Variants in KIAA1328 observed in about 807,000 individuals in gnomAD.
The protein encoded by KIAA1328 is protein hinderin.
In KIAA1328, 52 loss-of-function variants were observed where a neutral mutation model predicts 68.1. The ratio of observed to expected loss-of-function variants is 0.76; its 90% CI spans 0.61 to 0.96. KIAA1328 has a LOEUF of 0.96. KIAA1328 is among the 40% of genes least tolerant of loss of function. The pLI, the probability that KIAA1328 is intolerant of heterozygous loss-of-function variation, is 0.00. For synonymous variants in KIAA1328, 232 were observed against 239.4 expected (o/e 0.97, Z 0.28); for missense variants, 641 against 677.6 (o/e 0.95, Z 0.60).
intron 7 of KIAA1328, among the ~76,000 whole-genome samples, chr18:37,101,659 A>G (rs1195006209): frequency 2.0e-5 from 3 of 152,220 alleles, no homozygotes; most frequent in Non-Finnish European, 4.4e-5. Flanking sequence ...TTCAGGAAAT[A>G]CAGAGAATGC....
intron 7 of KIAA1328, among the ~76,000 whole-genome samples, chr18:37,139,556 C>T (rs894626307): frequency 4.6e-5 from 7 of 152,154 alleles, no homozygotes; most frequent in Admixed American, 1.3e-4. Flanking sequence ...ACTTGAGTCA[C>T]TTAGCACATC....
chr18:37,096,099 T>C (rs1175083540), intron 7 of KIAA1328, among the ~76,000 whole-genome samples: 1 of 152,160 alleles, frequency 6.6e-6, no homozygotes, highest in Non-Finnish European at 1.5e-5. Flanking sequence ...TTTTTCTACT[T>C]TAAGTTTTAG....
chr18:36,992,043 G>A (rs969336943), intron 6 of KIAA1328, among the ~76,000 whole-genome samples: 1 of 152,128 alleles, frequency 6.6e-6, no homozygotes, highest in African/African-American at 2.4e-5. Context: ...CTTTTCATAG[G>A]TATGTTGTCA....
At chr18:37,018,121 A>G (rs1270737778) in intron 6 of KIAA1328, among the ~76,000 whole-genome samples, 2 of 151,406 alleles carry the variant, frequency 1.3e-5, no homozygotes, top group African/African-American at 4.9e-5. Flanking sequence ...CATACTTAGA[A>G]CTCCCGTAAG....
At chr18:37,124,602 A>G (rs567183480) in intron 7 of KIAA1328, among the ~76,000 whole-genome samples, 3 of 152,298 alleles carry the variant, frequency 2.0e-5, no homozygotes, top group Non-Finnish European at 4.4e-5. Context: ...TATGTTTTAC[A>G]TACTTCTCTA....
chr18:37,094,641 A>C (rs2057354512), intron 7 of KIAA1328, among the ~76,000 whole-genome samples: 1 of 152,240 alleles, frequency 6.6e-6, no homozygotes, highest in African/African-American at 2.4e-5. Flanking sequence ...CCAAGTTGTA[A>C]TGATAACAAA....
At chr18:37,017,276 T>A (rs964436287) in intron 6 of KIAA1328, among the ~76,000 whole-genome samples, 2 of 152,042 alleles carry the variant, frequency 1.3e-5, no homozygotes, top group African/African-American at 4.8e-5. Flanking sequence ...TTTTCAGAGG[T>A]CTTCTGATAT....
intron 4 of KIAA1328, among the ~76,000 whole-genome samples, chr18:36,858,129 G>T (rs1389208848): frequency 6.6e-6 from 1 of 152,018 alleles, no homozygotes; most frequent in African/African-American, 2.4e-5. Flanking sequence ...TTGTAGATTT[G>T]TCTGTTTCTC....
intron 7 of KIAA1328, among the ~76,000 whole-genome samples, chr18:37,155,274 T>C (rs1195849974): frequency 7.9e-5 from 12 of 152,120 alleles, no homozygotes. Flanking sequence ...CTCTACCACC[T>C]CTAAACTCAC....
At chr18:36,988,418 T>A (rs1487170371) in intron 6 of KIAA1328, among the ~76,000 whole-genome samples, 1 of 152,212 alleles carries the variant, frequency 6.6e-6, no homozygotes, top group Non-Finnish European at 1.5e-5. Flanking sequence ...ACCATCCAGA[T>A]CAATAAACAG....
downstream of KIAA1328, among the ~76,000 whole-genome samples, chr18:37,226,731 T>G (rs1031242319): frequency 1.3e-5 from 2 of 150,494 alleles, no homozygotes; most frequent in African/African-American, 2.5e-5. Context: ...TTTTTTTTTT[T>G]TTGTTATTAT....
intron 6 of KIAA1328, among the ~76,000 whole-genome samples, chr18:36,965,471 C>G (rs529428440): frequency 3.4e-5 from 5 of 146,130 alleles, no homozygotes; most frequent in African/African-American, 1.2e-4. Context: ...TGATGAAACC[C>G]TGTCTCTACT....
At chr18:37,054,953 C>G (rs1440273193) in intron 6 of KIAA1328, among the ~76,000 whole-genome samples, 2 of 152,160 alleles carry the variant, frequency 1.3e-5, no homozygotes, top group Non-Finnish European at 2.9e-5. Context: ...GTTATTTACA[C>G]TTTATTGTGT....
intron 9 of KIAA1328, among the ~76,000 whole-genome samples, chr18:37,202,428 T>C (rs556087344): frequency 6.6e-6 from 1 of 152,194 alleles, no homozygotes; most frequent in East Asian, 1.9e-4. Context: ...AATGGTATGA[T>C]CTCCAAAGTT....
At chr18:36,928,739 T>C (rs1474203871) in intron 5 of KIAA1328, among the ~76,000 whole-genome samples, 2 of 152,236 alleles carry the variant, frequency 1.3e-5, no homozygotes, top group Non-Finnish European at 2.9e-5. Context: ...TTTATCCTGC[T>C]TGAAGTTCTT....
chr18:37,099,623 G>A (rs1407536072), intron 7 of KIAA1328, among the ~76,000 whole-genome samples: 1 of 152,032 alleles, frequency 6.6e-6, no homozygotes, highest in Non-Finnish European at 1.5e-5. Context: ...CAATTCCTGG[G>A]TATCCTTGTT....
chr18:36,863,056 A>G (rs2047619473), intron 4 of KIAA1328, among the ~76,000 whole-genome samples: 1 of 152,118 alleles, frequency 6.6e-6, no homozygotes, highest in Admixed American at 6.5e-5. Context: ...TATGTTCTAG[A>G]TAAAAATCCT....
rs148891974 is a variant in KIAA1328, at chr18:37,177,227, T to C, written c.1523+4146T>C. On this transcript the variant is annotated intron_variant, in intron 9 of 9. Transcript: ENST00000280020. ...TTCAGATGTGTAGATCTGATACATT[T>C]TATATTAAAATGAAGATAGTATCTT... Among the ~76,000 whole-genome samples, 47 of 125,714 alleles carry C rather than the reference T, an allele frequency of 3.7e-4. No homozygotes were observed. In the East Asian group the frequency reaches 1.0e-2, roughly 27 times the overall value. 82.5% of individuals were successfully genotyped at this position (125,714 alleles called of 152,430 possible).
intron 6 of KIAA1328, among the ~76,000 whole-genome samples, chr18:36,968,996 A>G (rs934080735): frequency 2.6e-5 from 4 of 152,204 alleles, no homozygotes; most frequent in Admixed American, 1.3e-4. Context: ...TTTGAAAACT[A>G]TACAGTTTCA....
Sources: allele counts gnomAD v4.1 joint callset (sites outside exome capture counted in the v4.1 genomes callset), GRCh38; gene constraint gnomAD v4.1.1; transcripts MANE v1.5; gene names NCBI Gene and HGNC (gene_info 2026-07-23, HGNC 2026-07-21).